ERC2: variants seen among roughly 807,000 people sequenced by gnomAD.
ERC2 encodes the protein ELKS/RAB6-interacting/CAST family member 2, also known as ERC protein 2.
Under a neutral mutation model 114.8 loss-of-function variants are expected in ERC2, and 42 were observed. That is an observed-to-expected ratio of 0.37 (90% CI 0.29 to 0.47). The LOEUF (loss-of-function observed/expected upper bound fraction) is 0.47, where lower values mean the gene tolerates loss of function less well. ERC2 is among the 20% of genes least tolerant of loss of function. ERC2 has a pLI of 0.99. For missense variants in ERC2, 939 were observed against 1,150.7 expected (o/e 0.82, Z 2.66); for synonymous variants, 454 against 425.5 (o/e 1.07, Z -0.82).
intron 7 of ERC2, among the ~76,000 whole-genome samples, chr3:56,052,744 C>T (rs2075829453): frequency 6.6e-6 from 1 of 152,114 alleles, no homozygotes; most frequent in South Asian, 2.1e-4. Context: ...AGCTGGGACC[C>T]GAGTTGCATT....
chr3:56,088,681 C>T (rs894664978), intron 6 of ERC2, among the ~76,000 whole-genome samples: 2 of 152,074 alleles, frequency 1.3e-5, no homozygotes, highest in Non-Finnish European at 2.9e-5. Flanking sequence ...CTCTGCAATG[C>T]AAATATATAT....
rs114831831 is a variant in ERC2, at chr3:56,118,969, G to A, written c.1473+20540C>T. Among the ~76,000 whole-genome samples the A allele has an allele frequency of 5.2e-3, 785 of 152,216 alleles. 12 individuals are homozygous for A. The highest frequency in any genetic ancestry group is 0.018 in the African/African-American group (745 of 41,546). On this transcript the variant is annotated intron_variant, in intron 6 of 17. Transcript: ENST00000288221. ...ATTCTTAAGCAAGGCTTGGCAAATT[G>A]TTTTTGGTAAAGGGCCAGGTAGTAA...
chr3:56,393,754 C>A (rs2060208575), intron 2 of ERC2, among the ~76,000 whole-genome samples: 1 of 152,046 alleles, frequency 6.6e-6, no homozygotes. Flanking sequence ...TCCTTTAATT[C>A]TTTTTCCCAA....
chr3:55,666,619 G>A (rs989003253), intron 17 of ERC2, among the ~76,000 whole-genome samples: 4 of 152,088 alleles, frequency 2.6e-5, no homozygotes, highest in African/African-American at 9.7e-5. Flanking sequence ...ATCATTTTTG[G>A]TTGTTACAAC....
rs575292244 is a variant in ERC2 at position 56,161,067 on chromosome 3, A to G, written c.1150-11935T>C. Among the ~76,000 whole-genome samples the G allele has an allele frequency of 3.3e-5, 5 of 152,274 alleles. No homozygotes were observed. The South Asian group carries it at 1.0e-3, about 32-fold the overall frequency. ...ATGGATCCTTCATGAATGGTTTAAC[A>G]CCATCCCCTTGCTGCTAAGTGAATT... On this transcript the variant is annotated intron_variant, in intron 4 of 17. Coordinates refer to ENST00000288221, the MANE Select transcript of ERC2 (RefSeq NM_015576.3).
At chr3:56,056,281 G>C (rs189812837) in intron 7 of ERC2, among the ~76,000 whole-genome samples, 36 of 152,350 alleles carry the variant, frequency 2.4e-4, no homozygotes, top group Admixed American at 1.1e-3. Flanking sequence ...TCCCCATAAA[G>C]AGAGGGAAAG....
chr3:56,103,639 G>T (rs1317480429), intron 6 of ERC2, among the ~76,000 whole-genome samples: 11 of 151,898 alleles, frequency 7.2e-5, no homozygotes, highest in Non-Finnish European at 1.5e-4. Context: ...GCATCTAGTG[G>T]GTAGAATCCA....
chr3:55,559,865 G>T (rs551370145), intron 17 of ERC2, among the ~76,000 whole-genome samples: 1 of 152,332 alleles, frequency 6.6e-6, no homozygotes, highest in African/African-American at 2.4e-5. Flanking sequence ...TGAATCATCA[G>T]TTTCTGGGGA....
intron 3 of ERC2, among the ~76,000 whole-genome samples, chr3:56,274,590 T>A (rs1363779270): frequency 6.6e-6 from 1 of 152,224 alleles, no homozygotes; most frequent in Admixed American, 6.5e-5. Context: ...TAATTGTGAT[T>A]TGCCTAAAAA....
intron 3 of ERC2, among the ~76,000 whole-genome samples, chr3:56,237,638 G>A (rs1471832495): frequency 1.3e-5 from 2 of 152,128 alleles, no homozygotes; most frequent in East Asian, 3.9e-4. Flanking sequence ...CTCCTCAGCT[G>A]AACTATAAAG....
At chr3:56,335,427 T>C (rs2057804901) in intron 2 of ERC2, among the ~76,000 whole-genome samples, 1 of 152,178 alleles carries the variant, frequency 6.6e-6, no homozygotes, top group African/African-American at 2.4e-5. Flanking sequence ...ACTAAAAGAA[T>C]TTTTTTGAGT....
At chr3:56,209,298 T>C (rs1273635788) in intron 3 of ERC2, among the ~76,000 whole-genome samples, 2 of 152,142 alleles carry the variant, frequency 1.3e-5, no homozygotes, top group Non-Finnish European at 2.9e-5. Context: ...GCTTCCTGAC[T>C]CTATTCAGGC....
chr3:55,669,555 C>T (rs540556129), intron 17 of ERC2, among the ~76,000 whole-genome samples: 115 of 152,304 alleles, frequency 7.6e-4, no homozygotes, highest in African/African-American at 2.6e-3. Context: ...GTTGAAGTTT[C>T]CCCTACTTCA....
At chr3:56,339,889 C>T (rs1446317080) in intron 2 of ERC2, among the ~76,000 whole-genome samples, 1 of 152,156 alleles carries the variant, frequency 6.6e-6, no homozygotes, top group Non-Finnish European at 1.5e-5. Flanking sequence ...CAGGCCAAGC[C>T]ACCACAGCCT....
intron 14 of ERC2, among the ~76,000 whole-genome samples, chr3:55,799,450 C>CATATATATATAT (rs59209006): frequency 1.1e-3 from 121 of 106,038 alleles, no homozygotes; most frequent in African/African-American, 3.6e-3. Context: ...TATATATATG[C>CATATATATATAT]ATATATATAT....
At chr3:56,452,430 AT>A (rs2062863083) in intron 1 of ERC2, among the ~76,000 whole-genome samples, 3 of 152,232 alleles carry the variant, frequency 2.0e-5, no homozygotes, top group Admixed American at 6.5e-5. Context: ...ATAAGCAGCA[AT>A]TTAGTTAATG....
chr3:56,296,522 A>G (rs2055448305), intron 2 of ERC2, 87 bp from the exon 3 acceptor site: 2 of 1,360,938 alleles, frequency 1.5e-6, no homozygotes, highest in Non-Finnish European at 2.0e-6. Flanking sequence ...CCACCACACT[A>G]TGAAGATGGA....
intron 1 of ERC2, among the ~76,000 whole-genome samples, chr3:56,441,813 C>G (rs2062323428): frequency 6.6e-6 from 1 of 152,204 alleles, no homozygotes; most frequent in African/African-American, 2.4e-5. Flanking sequence ...TCCCAAAGTT[C>G]TGGGATTACC....
At chr3:56,446,375 C>T (rs568631078) in intron 1 of ERC2, among the ~76,000 whole-genome samples, 54 of 152,132 alleles carry the variant, frequency 3.5e-4, no homozygotes, top group Non-Finnish European at 6.5e-4. Context: ...AGGCTAGAAG[C>T]TTCTGGAGAC....
Sources: gnomAD v4.1 joint callset for allele counts (sites outside exome capture counted in the v4.1 genomes callset) on GRCh38, gnomAD v4.1.1 for gene constraint, MANE v1.5 for transcripts, NCBI Gene and HGNC (gene_info 2026-07-23, HGNC 2026-07-21) for gene names.